ETS1: variants seen among roughly 807,000 people sequenced by gnomAD.
ETS1 encodes ETS proto-oncogene 1, transcription factor, also known as protein C-ets-1.
A neutral mutation model predicts 58.6 loss-of-function variants in ETS1; 15 were observed. The observed-to-expected ratio is 0.26, with a 90% confidence interval of 0.17 to 0.39. The LOEUF (loss-of-function observed/expected upper bound fraction) is 0.39, where lower values mean the gene tolerates loss of function less well. ETS1 is among the 10% of genes least tolerant of loss of function. The pLI, the probability that ETS1 is intolerant of heterozygous loss-of-function variation, is 1.00. For synonymous variants in ETS1, 214 were observed against 218.2 expected (o/e 0.98, Z 0.17); for missense variants, 417 against 610.5 (o/e 0.68, Z 3.34).
rs774009593 is a variant in ETS1, at chr11:128,463,119, AAC to A, written c.1242+388_1242+389del. The stretch of plus-strand genomic sequence containing the variant: ...CATGGCACGGAACCACTACTCCATA[AAC>A]ATGTGTGTAATGAAATAAGAAACTA... On this transcript the variant is annotated intron_variant, in intron 9 of 9. Transcript: ENST00000392668. The surrounding 1 kb of genome is among the most constrained non-coding windows in gnomAD (Gnocchi z 4.1). Among the ~76,000 whole-genome samples, 2 of 140,344 alleles carry A rather than the reference AAC, an allele frequency of 1.4e-5. No homozygotes were observed. Among genetic ancestry groups the A allele is most frequent in the Non-Finnish European group, 3.2e-5 (2 of 63,028 alleles). 92.1% of individuals were successfully genotyped at this position (140,344 alleles called of 152,430 possible). A position where few individuals can be genotyped will look rare whatever the true frequency, so the allele number is the denominator to read the frequency against.
At chr11:128,490,175 A>C (rs1862758142) in intron 4 of ETS1, among the ~76,000 whole-genome samples, 1 of 152,218 alleles carries the variant, frequency 6.6e-6, no homozygotes, top group African/African-American at 2.4e-5. Flanking sequence ...AGCAGGTGTA[A>C]TGCCCAACAT....
At chr11:128,564,275 C>T (rs540417868) in intron 2 of ETS1, among the ~76,000 whole-genome samples, 63 of 152,148 alleles carry the variant, frequency 4.1e-4, no homozygotes, top group Non-Finnish European at 6.8e-4. Flanking sequence ...AAATAGGAAA[C>T]TCTCAAAGGG....
At chr11:128,552,413 C>T (rs1304141620) in intron 3 of ETS1, among the ~76,000 whole-genome samples, 1 of 152,184 alleles carries the variant, frequency 6.6e-6, no homozygotes, top group Non-Finnish European at 1.5e-5. Flanking sequence ...CAATCAAAGA[C>T]CATGGTAATA....
At chr11:128,470,401 T>C (rs761160033) in intron 8 of ETS1, among the ~76,000 whole-genome samples, 8 of 152,204 alleles carry the variant, frequency 5.3e-5, no homozygotes, top group Non-Finnish European at 1.0e-4. Flanking sequence ...TGAATCACCA[T>C]ATGCAATCTT....
At chr11:128,502,507 T>C (rs1437297510) in intron 3 of ETS1, among the ~76,000 whole-genome samples, 1 of 152,220 alleles carries the variant, frequency 6.6e-6, no homozygotes, top group African/African-American at 2.4e-5. Flanking sequence ...TTAGGAGCAC[T>C]ATAAAGGAGC....
chr11:128,525,856 GA>G (rs1459247203), intron 3 of ETS1, among the ~76,000 whole-genome samples: 1 of 152,034 alleles, frequency 6.6e-6, no homozygotes, highest in Non-Finnish European at 1.5e-5. Context: ...CAATAAAATG[GA>G]AAATTAGAGA....
intron 1 of ETS1, among the ~76,000 whole-genome samples, chr11:128,584,988 AAGGAAGGAAGGAAG>A (rs1302488230): frequency 1.8e-5 from 1 of 55,078 alleles, no homozygotes; most frequent in African/African-American, 1.1e-4. Flanking sequence ...GAAAGAAAGA[AAGGAAGGAAGGAAG>A]GAAAGAAAGG....
chr11:128,542,842 C>A (rs993444741), intron 3 of ETS1, among the ~76,000 whole-genome samples: 8 of 152,100 alleles, frequency 5.3e-5, no homozygotes, highest in African/African-American at 1.9e-4. Context: ...AGTGATGACA[C>A]CAAAATGCCT....
At chr11:128,528,571 A>C (rs1347191234) in intron 3 of ETS1, among the ~76,000 whole-genome samples, 2 of 152,202 alleles carry the variant, frequency 1.3e-5, no homozygotes, top group Non-Finnish European at 2.9e-5. Context: ...ACTGAGGTTC[A>C]GTCATTATTA....
intron 8 of ETS1, among the ~76,000 whole-genome samples, chr11:128,475,300 C>T (rs1241825390): frequency 6.6e-6 from 1 of 152,246 alleles, no homozygotes; most frequent in African/African-American, 2.4e-5. Context: ...AGGTTTCATT[C>T]TGAACTGAAG....
At chr11:128,511,267 G>C (rs1863386280) in intron 3 of ETS1, among the ~76,000 whole-genome samples, 1 of 151,712 alleles carries the variant, frequency 6.6e-6, no homozygotes, top group Non-Finnish European at 1.5e-5. Context: ...GTTCAGAATA[G>C]GTAAACAAAA....
At chr11:128,520,733 G>A (rs1034395756) in intron 3 of ETS1, among the ~76,000 whole-genome samples, 2 of 152,178 alleles carry the variant, frequency 1.3e-5, no homozygotes, top group African/African-American at 4.8e-5. Flanking sequence ...GGGAGGGGAC[G>A]TGACCTACAT....
At chr11:128,503,516 T>G (rs1427266173) in intron 3 of ETS1, among the ~76,000 whole-genome samples, 1 of 152,180 alleles carries the variant, frequency 6.6e-6, no homozygotes, top group African/African-American at 2.4e-5. Flanking sequence ...GCAAACATAC[T>G]AGTACATCTT....
At chr11:128,527,149 C>A in intron 3 of ETS1, 2 of 346,740 alleles carry the variant, frequency 5.8e-6, no homozygotes, top group South Asian at 4.3e-5. Flanking sequence ...GATGTATTGT[C>A]TTTGGGCAAA....
intron 3 of ETS1, among the ~76,000 whole-genome samples, chr11:128,534,183 T>C (rs1238337560): frequency 6.6e-6 from 1 of 152,244 alleles, no homozygotes; most frequent in Admixed American, 6.5e-5. Context: ...CTCTGCTTAA[T>C]AGTTCTAGAG....
chr11:128,580,206 CT>C (rs1864838607), intron 1 of ETS1, among the ~76,000 whole-genome samples: 1 of 143,918 alleles, frequency 6.9e-6, no homozygotes, highest in Non-Finnish European at 1.5e-5. Context: ...AAAAAAATCC[CT>C]GTGATGAAGT....
intron 2 of ETS1, among the ~76,000 whole-genome samples, chr11:128,564,091 TG>T (rs1864449744): frequency 6.6e-6 from 1 of 152,036 alleles, no homozygotes; most frequent in Non-Finnish European, 1.5e-5. Flanking sequence ...CAGAAGGACA[TG>T]GGCAAGGGCG....
At position 128,463,642 on chromosome 11, in the gene ETS1, C is replaced by T. The variant is rs747003708; in HGVS notation, c.1124-15G>A. On this transcript the variant is annotated splice_polypyrimidine_tract_variant and intron_variant, in intron 8 of 9. Coordinates refer to ENST00000392668, the MANE Select transcript of ETS1 (RefSeq NM_001143820.2). The surrounding 1 kb of genome is among the most constrained non-coding windows in gnomAD (Gnocchi z 4.1). ...TGGTCCACTGCCTAGAAACACAAGC[C>T]ATTGTGAATCATTACACCAGATATT... 1.5e-6 allele frequency: 2 copies of T among 1,339,168 alleles called. No individual in the cohort carries two copies. The highest frequency in any genetic ancestry group is 2.9e-5 in the African/African-American group (2 of 69,466). 83.0% of individuals were successfully genotyped at this position (1,339,168 alleles called of 1,614,324 possible).
At chr11:128,538,280 T>C (rs1051032047) in intron 3 of ETS1, among the ~76,000 whole-genome samples, 1 of 152,176 alleles carries the variant, frequency 6.6e-6, no homozygotes, top group Admixed American at 6.5e-5. Flanking sequence ...AACTTGAAAA[T>C]TAAATACTTT....
Sources: gnomAD v4.1 joint callset for allele counts (sites outside exome capture counted in the v4.1 genomes callset) on GRCh38, gnomAD v4.1.1 for gene constraint, Gnocchi (gnomAD v3.1) non-coding constraint, MANE v1.5 for transcripts, NCBI Gene and HGNC (gene_info 2026-07-23, HGNC 2026-07-21) for gene names.